DRC11: variants seen among roughly 807,000 people sequenced by gnomAD.
DRC11 encodes the protein dynein regulatory complex subunit 11, also known as IQ and AAA domain-containing protein 1.
the DRC11 span, among the ~76,000 whole-genome samples, chr2:236,317,211 A>C: frequency 6.6e-6 from 1 of 151,908 alleles, no homozygotes; most frequent in South Asian, 2.1e-4. This position sits in a 1 kb window ranked among gnomAD's most constrained non-coding sequence, Gnocchi z 5.4. Flanking sequence ...CAGGGGAATC[A>C]CTTGAACCTG....
At chr2:236,418,047 A>G in the DRC11 span, among the ~76,000 whole-genome samples, 3 of 152,180 alleles carry the variant, frequency 2.0e-5, no homozygotes, top group African/African-American at 4.8e-5. Context: ...ACACGTGTGC[A>G]TGTGTCTTTA....
chr2:236,354,204 GT>G, the DRC11 span, among the ~76,000 whole-genome samples: 7 of 74,680 alleles, frequency 9.4e-5, no homozygotes, highest in African/African-American at 4.4e-4. Context: ...GTGTGTGTGT[GT>G]CAATGTATGT....
chr2:236,476,955 T>C, the DRC11 span, among the ~76,000 whole-genome samples: 1 of 152,288 alleles, frequency 6.6e-6, no homozygotes, highest in South Asian at 2.1e-4. This position sits in a 1 kb window ranked among gnomAD's most constrained non-coding sequence, Gnocchi z 4.7. Flanking sequence ...CCTGTGTCCA[T>C]GTGTTCTCCT....
chr2:236,311,248 A>T, the DRC11 span, among the ~76,000 whole-genome samples: 5 of 152,320 alleles, frequency 3.3e-5, no homozygotes, highest in Admixed American at 6.5e-5. The surrounding 1 kb of genome is among the most constrained non-coding windows in gnomAD (Gnocchi z 6.9). Context: ...CCTGGCCAGC[A>T]GGGCAAGCGC....
chr2:236,481,488 C>T, the DRC11 span, among the ~76,000 whole-genome samples: 1 of 152,162 alleles, frequency 6.6e-6, no homozygotes, highest in Admixed American at 6.5e-5. Context: ...TCAAGTCATC[C>T]TTAAATCTGA....
At chr2:236,427,037 A>C in the DRC11 span, among the ~76,000 whole-genome samples, 3 of 152,198 alleles carry the variant, frequency 2.0e-5, no homozygotes, top group Non-Finnish European at 4.4e-5. This position sits in a 1 kb window ranked among gnomAD's most constrained non-coding sequence, Gnocchi z 5.9. Flanking sequence ...TAAAATGATC[A>C]TATGATTTTT....
At chr2:236,311,933 GT>G in the DRC11 span, among the ~76,000 whole-genome samples, 2 of 151,990 alleles carry the variant, frequency 1.3e-5, no homozygotes, top group African/African-American at 4.8e-5. The surrounding 1 kb of genome is among the most constrained non-coding windows in gnomAD (Gnocchi z 6.9). Flanking sequence ...CTCCTCTAGT[GT>G]TTTCATTCTA....
At chr2:236,423,963 A>C in the DRC11 span, among the ~76,000 whole-genome samples, 1 of 150,008 alleles carries the variant, frequency 6.7e-6, no homozygotes, top group Non-Finnish European at 1.5e-5. Flanking sequence ...AAAAAACCAA[A>C]CACCGCATGT....
At chr2:236,451,507 T>A in the DRC11 span, among the ~76,000 whole-genome samples, 1 of 152,180 alleles carries the variant, frequency 6.6e-6, no homozygotes, top group Non-Finnish European at 1.5e-5. Flanking sequence ...GACATAAAAA[T>A]CTCTGTCTTA....
chr2:236,364,248 C>T, the DRC11 span, among the ~76,000 whole-genome samples: 2 of 150,860 alleles, frequency 1.3e-5, no homozygotes, highest in East Asian at 1.9e-4. Context: ...AGTATTTCCC[C>T]TGAAATCATA....
At chr2:236,497,126 A>G in the DRC11 span, 5 of 1,328,780 alleles carry the variant, frequency 3.8e-6, no homozygotes, top group South Asian at 1.4e-5. This position sits in a 1 kb window ranked among gnomAD's most constrained non-coding sequence, Gnocchi z 5.1. Context: ...TTTATAACAA[A>G]AAAAAGCAAC....
chr2:236,357,054 CTA>C, the DRC11 span, among the ~76,000 whole-genome samples: 1 of 77,952 alleles, frequency 1.3e-5, no homozygotes, highest in Non-Finnish European at 2.6e-5. Context: ...TATTATATAT[CTA>C]TTTATATATT....
chr2:236,485,370 G>T, the DRC11 span, among the ~76,000 whole-genome samples: 1 of 151,974 alleles, frequency 6.6e-6, no homozygotes, highest in African/African-American at 2.4e-5. Context: ...GGCTCTGTAT[G>T]TTATTAGCGT....
At chr2:236,429,176 T>A in the DRC11 span, among the ~76,000 whole-genome samples, 4 of 152,130 alleles carry the variant, frequency 2.6e-5, no homozygotes, top group African/African-American at 9.7e-5. The surrounding 1 kb of genome is among the most constrained non-coding windows in gnomAD (Gnocchi z 5.9). Flanking sequence ...TGTTGGGGTA[T>A]GTGGTGGCTC....
chr2:236,480,351 G>A, the DRC11 span, among the ~76,000 whole-genome samples: 1 of 151,944 alleles, frequency 6.6e-6, no homozygotes, highest in African/African-American at 2.4e-5. Context: ...ACTCCCTCTT[G>A]AATACCAATG....
At chr2:236,479,237 G>T in the DRC11 span, among the ~76,000 whole-genome samples, 1 of 151,960 alleles carries the variant, frequency 6.6e-6, no homozygotes, top group Non-Finnish European at 1.5e-5. This position sits in a 1 kb window ranked among gnomAD's most constrained non-coding sequence, Gnocchi z 4.1. Flanking sequence ...GTCTTTATAG[G>T]TGAAACTGGC....
the DRC11 span, among the ~76,000 whole-genome samples, chr2:236,384,320 G>A: frequency 6.6e-6 from 1 of 152,006 alleles, no homozygotes; most frequent in African/African-American, 2.4e-5. Flanking sequence ...ATCCTCTCCA[G>A]CACCTGTTGT....
At chr2:236,468,858 C>T in the DRC11 span, among the ~76,000 whole-genome samples, 1 of 152,236 alleles carries the variant, frequency 6.6e-6, no homozygotes, top group Non-Finnish European at 1.5e-5. Flanking sequence ...CAATTATCTA[C>T]TGTATAATGT....
the DRC11 span, chr2:236,497,333 G>A: frequency 6.3e-5 from 102 of 1,613,786 alleles, no homozygotes; most frequent in African/African-American, 3.3e-4. The surrounding 1 kb of genome is among the most constrained non-coding windows in gnomAD (Gnocchi z 5.1). Flanking sequence ...ACATTCTCTA[G>A]GTTTCTAAAG....
Sources: gnomAD v4.1 joint callset for allele counts (sites outside exome capture counted in the v4.1 genomes callset) on GRCh38, gnomAD v4.1.1 for gene constraint, Gnocchi (gnomAD v3.1) non-coding constraint, MANE v1.5 for transcripts, NCBI Gene and HGNC (gene_info 2026-07-23, HGNC 2026-07-21) for gene names.